Variants in FOXK2 observed in about 807,000 individuals in gnomAD.
FOXK2 encodes forkhead box K2.
In FOXK2, 24 loss-of-function variants were observed where a neutral mutation model predicts 53.3. That is an observed-to-expected ratio of 0.45 (90% CI 0.33 to 0.63). FOXK2 has a LOEUF of 0.63. Ranked by LOEUF, FOXK2 falls within the 30% of genes least tolerant of loss-of-function variation. The pLI, the probability that FOXK2 is intolerant of heterozygous loss-of-function variation, is 0.03. For synonymous variants in FOXK2, 505 were observed against 407.1 expected, an observed-to-expected ratio of 1.24 and a Z score of -2.89; for missense variants, 952 against 910.5, an observed-to-expected ratio of 1.05 and a Z score of -0.59.
chr17:82,570,649 T>C (rs951071787), intron 3 of FOXK2, among the ~76,000 whole-genome samples: 2 of 152,252 alleles, frequency 1.3e-5, no homozygotes, highest in Non-Finnish European at 2.9e-5. Context: ...CCTTGAACAG[T>C]ATCTATAATT....
At chr17:82,565,061 A>G (rs1287927747) in intron 2 of FOXK2, among the ~76,000 whole-genome samples, 2 of 152,144 alleles carry the variant, frequency 1.3e-5, no homozygotes, top group East Asian at 1.9e-4. Context: ...GGGTGCCCAC[A>G]TGCCCACACC....
intron 1 of FOXK2, among the ~76,000 whole-genome samples, chr17:82,544,964 ATAAT>A (rs2044610218): frequency 6.6e-6 from 1 of 151,550 alleles, no homozygotes; most frequent in African/African-American, 2.4e-5. Flanking sequence ...ATGGAAAAAA[ATAAT>A]TAAAAAAAAA....
chr17:82,551,668 G>A (rs1212910926), intron 1 of FOXK2, among the ~76,000 whole-genome samples: 2 of 152,144 alleles, frequency 1.3e-5, no homozygotes, highest in African/African-American at 2.4e-5. Context: ...GCAACAGAGC[G>A]AGTCTATCTA....
intron 8 of FOXK2, among the ~76,000 whole-genome samples, chr17:82,597,150 T>G (rs2045322480): frequency 6.6e-6 from 1 of 152,222 alleles, no homozygotes; most frequent in Admixed American, 6.5e-5. Flanking sequence ...CCCGAGGTGC[T>G]CATACATCAC....
At chr17:82,543,178 C>CACTT in intron 1 of FOXK2, among the ~76,000 whole-genome samples, 1 of 151,740 alleles carries the variant, frequency 6.6e-6, no homozygotes, top group Non-Finnish European at 1.5e-5. Flanking sequence ...TTATCTAAAT[C>CACTT]CACAACTATT....
At chr17:82,528,528 T>A (rs2044441088) in intron 1 of FOXK2, among the ~76,000 whole-genome samples, 1 of 152,098 alleles carries the variant, frequency 6.6e-6, no homozygotes, top group Non-Finnish European at 1.5e-5. Flanking sequence ...CATGAGGAAT[T>A]TTTGAATTTG....
Position 82,587,209 on chromosome 17 carries a change from G to A in FOXK2, c.1723G>A (p.Val575Ile), listed in dbSNP as rs1272009741. Residue 575 changes from valine to isoleucine, a missense_variant, in exon 8 of 9, where the codon GTA becomes ATA. By Grantham distance (29) the Val-to-Ile change is conservative. This residue lies in a region of FOXK2 where 551 missense variants were observed against 385.1 expected (regional missense o/e 1.43). Coordinates refer to ENST00000335255, the MANE Select transcript of FOXK2 (RefSeq NM_004514.4). ...TCAACACCAGCTACCAATAAAAACT[G>A]TAACACAAAACGGCACTCACGTGGC... ...LGQHQLPIKT[V>I]TQNGTHVASV... 1.9e-6 allele frequency: 3 copies of A among 1,613,102 alleles called. No individual in the cohort carries two copies. The highest frequency in any genetic ancestry group is 2.7e-5 in the African/African-American group (2 of 75,042).
rs757456255 is a variant in FOXK2, at chr17:82,563,335, G to T, written c.420-19G>T. 2 of 1,606,382 alleles carry T rather than the reference G, an allele frequency of 1.2e-6. No homozygotes were observed. The highest frequency in any genetic ancestry group is 1.7e-6 in the Non-Finnish European group (2 of 1,176,068). ...GCTGGAACAGCAAAAGGTGCTGATGGTGGGCTTTTCTTTTCCAGGTGCACA... is the reference window on the plus strand; with the variant it reads ...GCTGGAACAGCAAAAGGTGCTGATGTTGGGCTTTTCTTTTCCAGGTGCACA... On this transcript the variant is annotated intron_variant, in intron 1 of 8. Transcript: ENST00000335255.
intron 1 of FOXK2, among the ~76,000 whole-genome samples, chr17:82,525,264 G>A (rs2044405739): frequency 6.6e-6 from 1 of 152,000 alleles, no homozygotes. Context: ...CCGCCTCCTG[G>A]GTTCTGGGTT....
In FOXK2 at chr17:82,585,894, C is replaced by G; in HGVS notation, c.1280-10C>G. The G allele has an allele frequency of 1.2e-6, 2 of 1,603,062 alleles. No individual in the cohort carries two copies. The highest frequency in any genetic ancestry group is 1.7e-6 in the Non-Finnish European group (2 of 1,173,108). Reference sequence around the variant, plus strand: ...TCTGTAAGTGTCAGTCCTGCTGTGTCTTTCACCAGGGTCACCTCTGTCCAG... The same window carrying G: ...TCTGTAAGTGTCAGTCCTGCTGTGTGTTTCACCAGGGTCACCTCTGTCCAG... On this transcript the variant is annotated splice_polypyrimidine_tract_variant and intron_variant, in intron 6 of 8. Transcript: ENST00000335255.
intron 6 of FOXK2, among the ~76,000 whole-genome samples, chr17:82,584,705 G>C (rs1232147515): frequency 6.6e-6 from 1 of 151,824 alleles, no homozygotes; most frequent in Non-Finnish European, 1.5e-5. Flanking sequence ...ACCACACCCA[G>C]CTGCTAATTT....
intron 1 of FOXK2, among the ~76,000 whole-genome samples, chr17:82,525,954 T>TACTTTCTTAGGTGGCCTGAATCCCAC (rs1567962873): frequency 1.4e-5 from 2 of 143,488 alleles, no homozygotes; most frequent in South Asian, 2.3e-4. Flanking sequence ...ATCCCACACT[T>TACTTTCTTAGGTGGCCTGAATCCCAC]ACTTTCTTAT....
At chr17:82,567,472 G>A (rs1017033430) in intron 2 of FOXK2, among the ~76,000 whole-genome samples, 1 of 151,950 alleles carries the variant, frequency 6.6e-6, no homozygotes, top group African/African-American at 2.4e-5. Flanking sequence ...TGTCCCGGGC[G>A]CCCCCAGCTG....
chr17:82,594,021 A>G (rs1404015927), intron 8 of FOXK2: 1 of 152,162 alleles, frequency 6.6e-6, no homozygotes, highest in East Asian at 1.9e-4. Context: ...TGGCGGTGGC[A>G]GTGGAGCAGC....
chr17:82,576,878 G>A, intron 4 of FOXK2: 2 of 494,166 alleles, frequency 4.0e-6, no homozygotes, highest in Non-Finnish European at 7.3e-6. Context: ...AATGTATGCA[G>A]GCTGGGTGCG....
At chr17:82,555,728 C>CAAA (rs369431923) in intron 1 of FOXK2, among the ~76,000 whole-genome samples, 2 of 124,620 alleles carry the variant, frequency 1.6e-5, no homozygotes, top group South Asian at 2.5e-4. Flanking sequence ...ACTAAAAATA[C>CAAA]AAAAAAAAAA....
intron 4 of FOXK2, among the ~76,000 whole-genome samples, chr17:82,574,019 C>T (rs1010744903): frequency 6.6e-6 from 1 of 152,222 alleles, no homozygotes; most frequent in Non-Finnish European, 1.5e-5. Context: ...GAGGACCCCA[C>T]GGGACCCCTC....
At chr17:82,538,396 G>T (rs1287069191) in intron 1 of FOXK2, among the ~76,000 whole-genome samples, 2 of 152,162 alleles carry the variant, frequency 1.3e-5, no homozygotes, top group Non-Finnish European at 2.9e-5. Context: ...AAGATGGGAA[G>T]ATCACTTGAG....
At chr17:82,596,772 CTCTT>C (rs1334135439) in intron 8 of FOXK2, among the ~76,000 whole-genome samples, 2 of 152,326 alleles carry the variant, frequency 1.3e-5, no homozygotes, top group East Asian at 1.9e-4. Context: ...GGCGGAGCCC[CTCTT>C]TCTTTGATCT....
Sources: allele counts gnomAD v4.1 joint callset (sites outside exome capture counted in the v4.1 genomes callset), GRCh38; gene constraint gnomAD v4.1.1; regional missense constraint gnomAD v4.1.1; transcripts MANE v1.5; gene names NCBI Gene and HGNC (gene_info 2026-07-23, HGNC 2026-07-21).